TBC1D22A: variants seen among roughly 807,000 people sequenced by gnomAD.
The protein encoded by TBC1D22A is TBC1 domain family member 22A, also known as putative GTPase activator.
A neutral mutation model predicts 60.2 loss-of-function variants in TBC1D22A; 38 were observed. The ratio of observed to expected loss-of-function variants is 0.63; its 90% CI spans 0.49 to 0.83. TBC1D22A has a LOEUF of 0.83. Among genes scored for constraint, TBC1D22A ranks in the 40% least tolerant of loss-of-function variants. The pLI is 0.00. For synonymous variants in TBC1D22A, 302 were observed against 281.7 expected (o/e 1.07, Z -0.72); for missense variants, 628 against 701.0 (o/e 0.90, Z 1.18).
chr22:46,968,311 C>T (rs763662975), intron 8 of TBC1D22A, among the ~76,000 whole-genome samples: 6 of 152,232 alleles, frequency 3.9e-5, no homozygotes, highest in Non-Finnish European at 8.8e-5. Flanking sequence ...CCAGGCTCTG[C>T]CACTTCCTAG....
At chr22:46,904,095 A>AAATCAATC (rs879270620) in intron 7 of TBC1D22A, among the ~76,000 whole-genome samples, 2,736 of 125,660 alleles carry the variant, frequency 0.022, 106 homozygotes, top group African/African-American at 0.082. Context: ...TATCTAAATA[A>AAATCAATC]AATCTATCTA....
intron 4 of TBC1D22A, among the ~76,000 whole-genome samples, chr22:46,807,805 T>G (rs1485407820): frequency 6.6e-6 from 1 of 152,130 alleles, no homozygotes; most frequent in Non-Finnish European, 1.5e-5. Context: ...AGTTCGGTTT[T>G]AGAAATTTTA....
Position 47,028,485 on chromosome 22 carries a change from G to A in TBC1D22A, c.1202-8586G>A, listed in dbSNP as rs2062340327. ...CCCACGGCCCAGGTTCTGAGAGCGAGTGGTCGCATTCCTGTCCCTCGGTCC... is the reference window on the plus strand; with the variant it reads ...CCCACGGCCCAGGTTCTGAGAGCGAATGGTCGCATTCCTGTCCCTCGGTCC... On this transcript the variant is annotated intron_variant, in intron 10 of 12. Transcript: ENST00000337137. The surrounding 1 kb of genome is among the most constrained non-coding windows in gnomAD (Gnocchi z 4.4). 2.2e-5 allele frequency among the ~76,000 whole-genome samples: 3 copies of A among 138,076 alleles called. No individual in the cohort carries two copies. The South Asian group carries it at 7.4e-4, about 34-fold the overall frequency. 90.6% of individuals were successfully genotyped at this position (138,076 alleles called of 152,430 possible). A position where few individuals can be genotyped will look rare whatever the true frequency, so the allele number is the denominator to read the frequency against.
At chr22:47,079,434 G>A (rs1365370920) in intron 11 of TBC1D22A, among the ~76,000 whole-genome samples, 3 of 152,108 alleles carry the variant, frequency 2.0e-5, no homozygotes, top group Admixed American at 1.3e-4. Context: ...TTTCTAGTAG[G>A]TTGGTGAAAT....
chr22:46,986,315 G>A (rs1386601456), intron 9 of TBC1D22A, among the ~76,000 whole-genome samples: 1 of 152,032 alleles, frequency 6.6e-6, no homozygotes, highest in East Asian at 1.9e-4. Context: ...GGTTGGGTAA[G>A]GCCAGTCCTC....
intron 8 of TBC1D22A, among the ~76,000 whole-genome samples, chr22:46,931,683 C>G (rs998917442): frequency 6.6e-6 from 1 of 152,216 alleles, no homozygotes; most frequent in Non-Finnish European, 1.5e-5. Context: ...CCCAGACAGA[C>G]GCCTGGCCCC....
intron 11 of TBC1D22A, among the ~76,000 whole-genome samples, chr22:47,049,675 T>C (rs2063145501): frequency 6.6e-6 from 1 of 152,228 alleles, no homozygotes; most frequent in Non-Finnish European, 1.5e-5. Context: ...CATAAATTTC[T>C]CTTTGGCTCT....
intron 7 of TBC1D22A, among the ~76,000 whole-genome samples, chr22:46,897,071 C>T (rs59291577): frequency 0.1 from 15,202 of 152,074 alleles, 1,156 homozygotes; most frequent in African/African-American, 0.22. Context: ...CCCTATGAAG[C>T]GTCTCGTACA....
At chr22:47,036,340 C>T (rs1259467381) in intron 10 of TBC1D22A, among the ~76,000 whole-genome samples, 1 of 152,182 alleles carries the variant, frequency 6.6e-6, no homozygotes, top group Non-Finnish European at 1.5e-5. Context: ...GGGATTTTGC[C>T]TCCAGGAGTG....
intron 7 of TBC1D22A, among the ~76,000 whole-genome samples, chr22:46,896,427 C>T (rs2068681091): frequency 6.6e-6 from 1 of 152,148 alleles, no homozygotes; most frequent in African/African-American, 2.4e-5. Flanking sequence ...GAACTTTTTT[C>T]TACACATGAA....
At chr22:46,974,486 C>A in intron 9 of TBC1D22A, 87 bp downstream of exon 9, 1 of 1,105,576 alleles carries the variant, frequency 9.0e-7, no homozygotes, top group Non-Finnish European at 1.3e-6. Context: ...TCCTGAGTCT[C>A]AGTGTGGCCA....
At chr22:47,113,154 C>T (rs1001477640) in intron 12 of TBC1D22A, among the ~76,000 whole-genome samples, 27 of 152,332 alleles carry the variant, frequency 1.8e-4, no homozygotes, top group Admixed American at 3.3e-4. Context: ...TGGTGCACAG[C>T]GGCCACTCCT....
At chr22:46,851,496 G>A (rs190847025) in intron 4 of TBC1D22A, among the ~76,000 whole-genome samples, 2 of 152,376 alleles carry the variant, frequency 1.3e-5, no homozygotes, top group East Asian at 3.9e-4. Context: ...CAGGCCCTGA[G>A]GCAGGAGGCC....
At chr22:46,949,383 G>A (rs971349620) in intron 8 of TBC1D22A, among the ~76,000 whole-genome samples, 1 of 152,198 alleles carries the variant, frequency 6.6e-6, no homozygotes, top group African/African-American at 2.4e-5. Flanking sequence ...GGTTTTCCGA[G>A]GGCCCCATCT....
In TBC1D22A at chr22:47,070,083, TCC is replaced by T. The variant is rs1219239323; in HGVS notation, c.1329+32888_1329+32889del. Among the ~76,000 whole-genome samples, 41 of 127,352 alleles carry T rather than the reference TCC, an allele frequency of 3.2e-4. 4 individuals are homozygous for T. The highest frequency in any genetic ancestry group is 1.4e-3 in the African/African-American group (41 of 28,452). The allele number at this position is 127,352 out of a possible 152,430, so 83.5% of individuals were successfully genotyped here. ...TTCCCTGTTGTTTGGTTGGACGCTG[TCC>T]CCTGTTGTTTGGTTGGAGCGGAGCT... On this transcript the variant is annotated intron_variant, in intron 11 of 12. Transcript: ENST00000337137.
chr22:46,944,453 C>T (rs894120622), intron 8 of TBC1D22A, among the ~76,000 whole-genome samples: 1 of 152,208 alleles, frequency 6.6e-6, no homozygotes, highest in East Asian at 1.9e-4. Flanking sequence ...GGCTGGAGTG[C>T]AGTGGCGCAA....
chr22:46,793,777 AC>A lies in TBC1D22A; in HGVS notation c.402del (p.Ser135AlafsTer7). The A allele has an allele frequency of 1.9e-6, 3 of 1,601,102 alleles. No individual in the cohort carries two copies. Among genetic ancestry groups the A allele is most frequent in the Admixed American group, 1.7e-5 (1 of 58,132 alleles). On this transcript the variant is annotated frameshift_variant, in exon 3 of 13. Transcript: ENST00000337137. LOFTEE classifies it high-confidence loss of function. ...CCAGGCCCGAGGCAGAGCCGCCCTC[AC>A]CCCCCAGCGGCGACCTCCGGCTGGT... ...KPRPEAEPPS[P>X]PSGDLRLVKS...
intron 8 of TBC1D22A, among the ~76,000 whole-genome samples, chr22:46,952,438 C>T (rs548759326): frequency 6.6e-6 from 1 of 152,294 alleles, no homozygotes; most frequent in South Asian, 2.1e-4. Flanking sequence ...TGGCTTTTAG[C>T]AGGTTTAGGA....
chr22:46,795,155 G>C (rs1260170743), intron 3 of TBC1D22A, among the ~76,000 whole-genome samples: 1 of 152,238 alleles, frequency 6.6e-6, no homozygotes, highest in Non-Finnish European at 1.5e-5. Context: ...GCCTTTGCGG[G>C]AGGCTTGGAA....
Sources: allele counts gnomAD v4.1 joint callset (sites outside exome capture counted in the v4.1 genomes callset), GRCh38; gene constraint gnomAD v4.1.1; non-coding constraint Gnocchi (gnomAD v3.1); transcripts MANE v1.5; gene names NCBI Gene and HGNC (gene_info 2026-07-23, HGNC 2026-07-21).